DLEU7: variants seen among roughly 807,000 people sequenced by gnomAD.
DLEU7 encodes leukemia-associated protein 7.
Under a neutral mutation model 16.0 loss-of-function variants are expected in DLEU7, and 17 were observed. The observed-to-expected ratio is 1.06, with a 90% CI of 0.73 to 1.59. The LOEUF (loss-of-function observed/expected upper bound fraction) is 1.59, where lower values mean the gene tolerates loss of function less well. DLEU7 is among the 40% of genes most tolerant of loss of function. DLEU7 has a pLI of 0.00. For missense variants in DLEU7, 308 were observed against 314.9 expected (o/e 0.98, Z 0.17); for synonymous variants, 113 against 139.8 (o/e 0.81, Z 1.35).
chr13:50,761,015 G>T (rs1034058942), intron 1 of DLEU7, among the ~76,000 whole-genome samples: 2 of 152,136 alleles, frequency 1.3e-5, no homozygotes, highest in Non-Finnish European at 1.5e-5. Flanking sequence ...TGACTTGGAT[G>T]GTGCAGCCAC....
At chr13:50,747,588 C>T (rs1874439744) in intron 1 of DLEU7, among the ~76,000 whole-genome samples, 1 of 152,034 alleles carries the variant, frequency 6.6e-6, no homozygotes, top group Non-Finnish European at 1.5e-5. Flanking sequence ...GAGCCAGTCA[C>T]AGAACACAGG....
At chr13:50,780,614 G>C (rs1875623847) in intron 1 of DLEU7, among the ~76,000 whole-genome samples, 1 of 152,144 alleles carries the variant, frequency 6.6e-6, no homozygotes, top group Non-Finnish European at 1.5e-5. Context: ...TGTGGAATTG[G>C]GGTGGAGGGA....
intron 1 of DLEU7, among the ~76,000 whole-genome samples, chr13:50,826,844 T>C (rs1183652429): frequency 2.0e-5 from 3 of 152,018 alleles, no homozygotes; most frequent in Admixed American, 6.6e-5. Flanking sequence ...ACCACAACAA[T>C]AGAGAAGACA....
At chr13:50,843,720 G>A, upstream of DLEU7, 2 of 1,464,824 alleles carry the variant, frequency 1.4e-6, no homozygotes, top group South Asian at 2.6e-5. This position sits in a 1 kb window ranked among gnomAD's most constrained non-coding sequence, Gnocchi z 5.7. Context: ...CGTTGGGGTC[G>A]CCAAGGTCAC....
chr13:50,720,244 G>A (rs952191989), intron 1 of DLEU7, among the ~76,000 whole-genome samples: 2 of 152,188 alleles, frequency 1.3e-5, no homozygotes, highest in Non-Finnish European at 2.9e-5. Context: ...GTGGCAAGCT[G>A]AGAGTCAAGG....
At chr13:50,786,216 T>C (rs1231394730) in intron 1 of DLEU7, among the ~76,000 whole-genome samples, 1 of 152,194 alleles carries the variant, frequency 6.6e-6, no homozygotes, top group Non-Finnish European at 1.5e-5. Context: ...TTTTTACCCA[T>C]TCTGGTTTCT....
intron 1 of DLEU7, among the ~76,000 whole-genome samples, chr13:50,729,927 G>A (rs948742568): frequency 4.6e-5 from 7 of 151,868 alleles, no homozygotes; most frequent in South Asian, 2.1e-4. Context: ...TTAACTTATC[G>A]TCTATTTTTG....
At chr13:50,734,267 C>T (rs767283499) in intron 1 of DLEU7, among the ~76,000 whole-genome samples, 30 of 152,246 alleles carry the variant, frequency 2.0e-4, no homozygotes, top group Middle Eastern at 3.4e-3. Context: ...AAAGAAAAAA[C>T]GTATGTTTTA....
chr13:50,717,424 G>A (rs1183224336), intron 1 of DLEU7, among the ~76,000 whole-genome samples: 1 of 152,154 alleles, frequency 6.6e-6, no homozygotes, highest in Non-Finnish European at 1.5e-5. Context: ...TCTGGAGAAA[G>A]GCAACTACAC....
chr13:50,843,883 T>G, upstream of DLEU7: 1 of 517,030 alleles, frequency 1.9e-6, no homozygotes, highest in East Asian at 3.7e-5. This position sits in a 1 kb window ranked among gnomAD's most constrained non-coding sequence, Gnocchi z 5.7. Context: ...GAAGCGCTGC[T>G]CGGTGTGCAC....
At chr13:50,802,706 TCC>T (rs1007682767) in intron 1 of DLEU7, among the ~76,000 whole-genome samples, 1 of 152,170 alleles carries the variant, frequency 6.6e-6, no homozygotes, top group African/African-American at 2.4e-5. Flanking sequence ...AGAGTAACTC[TCC>T]CTCTTATCTC....
chr13:50,721,255 C>T (rs1449370227), intron 1 of DLEU7, among the ~76,000 whole-genome samples: 1 of 152,198 alleles, frequency 6.6e-6, no homozygotes. Context: ...CAGGGGCTCT[C>T]GGGCCTTCGG....
intron 1 of DLEU7, among the ~76,000 whole-genome samples, chr13:50,802,404 T>G (rs1009443485): frequency 6.6e-6 from 1 of 152,208 alleles, no homozygotes; most frequent in African/African-American, 2.4e-5. Flanking sequence ...TTAGTGCTCC[T>G]GACTCTCAAG....
In DLEU7 at chr13:50,843,321, G is replaced by A. The variant is rs753989174; in HGVS notation, c.326C>T (p.Pro109Leu). Residue 109 changes from proline (P) to leucine (L), a missense_variant, in exon 1 of 2, where the codon CCC becomes CTC. Coordinates refer to ENST00000504404, the MANE Select transcript of DLEU7 (RefSeq NM_001306135.2). This position sits in a 1 kb window ranked among gnomAD's most constrained non-coding sequence, Gnocchi z 5.7. The part of the protein sequence containing the change: ...ELLPFPRDRG[P>L]CTLAQMAMRS... ...CATCGCCATCTGGGCCAGGGTGCAG[G>A]GCCCGCGGTCCCGGGGGAAGGGCAG... 2 of 1,510,874 alleles carry A rather than the reference G, an allele frequency of 1.3e-6. No individual in the cohort carries two copies. The highest frequency in any genetic ancestry group is 2.7e-5 in the East Asian group (1 of 37,576). The allele number at this position is 1,510,874 out of a possible 1,614,324, so 93.6% of individuals were successfully genotyped here.
intron 1 of DLEU7, among the ~76,000 whole-genome samples, chr13:50,783,535 G>C (rs1161990318): frequency 6.6e-6 from 1 of 152,074 alleles, no homozygotes; most frequent in Admixed American, 6.6e-5. Flanking sequence ...GATTAGCTTA[G>C]ACCAGTGGAG....
intron 1 of DLEU7, among the ~76,000 whole-genome samples, chr13:50,842,658 A>G (rs1593421025): frequency 1.3e-5 from 2 of 152,282 alleles, no homozygotes; most frequent in East Asian, 3.9e-4. Flanking sequence ...ATGTAGGTTG[A>G]CTCTGTAAGA....
intron 1 of DLEU7, among the ~76,000 whole-genome samples, chr13:50,812,545 A>G (rs997182002): frequency 6.6e-6 from 1 of 152,170 alleles, no homozygotes; most frequent in African/African-American, 2.4e-5. Context: ...TAAGCCCAAG[A>G]AAAGCAGTTA....
intron 1 of DLEU7, among the ~76,000 whole-genome samples, chr13:50,811,257 C>A (rs1271233050): frequency 6.6e-6 from 1 of 152,052 alleles, no homozygotes; most frequent in Non-Finnish European, 1.5e-5. Context: ...ACAGTTTAGG[C>A]AGAAACTGAA....
chr13:50,774,792 C>T (rs1254794946), intron 1 of DLEU7, among the ~76,000 whole-genome samples: 1 of 152,024 alleles, frequency 6.6e-6, no homozygotes, highest in Non-Finnish European at 1.5e-5. Context: ...ATCTCTTGCT[C>T]TCTGTCCTTC....
Sources: allele counts gnomAD v4.1 joint callset (sites outside exome capture counted in the v4.1 genomes callset), GRCh38; gene constraint gnomAD v4.1.1; non-coding constraint Gnocchi (gnomAD v3.1); transcripts MANE v1.5; gene names NCBI Gene and HGNC (gene_info 2026-07-23, HGNC 2026-07-21).